The following PTPRJ variants were observed in gnomAD, a reference collection of about 807,000 sequenced individuals.
The protein encoded by PTPRJ is receptor-type tyrosine-protein phosphatase eta.
A neutral mutation model predicts 141.3 loss-of-function variants in PTPRJ; 129 were observed. That is an observed-to-expected ratio of 0.91 (90% CI 0.79 to 1.06). The LOEUF is 1.06. Among genes scored for constraint, PTPRJ ranks in the 50% least tolerant of loss-of-function variants. PTPRJ has a pLI of 0.00. For missense variants in PTPRJ, 1,601 were observed against 1,679.7 expected (o/e 0.95, Z 0.82); for synonymous variants, 610 against 640.5 (o/e 0.95, Z 0.72).
intron 3 of PTPRJ, among the ~76,000 whole-genome samples, chr11:48,117,540 CAAAAAAAAAAAAAAAAAAAAA>C (rs71045545): frequency 1.0e-4 from 2 of 19,696 alleles, no homozygotes; most frequent in African/African-American, 4.8e-4. Context: ...GATTCTGTCT[CAAAAAAAAAAAAAAAAAAAAA>C]AAAAAAAAAA....
chr11:48,042,190 T>A (rs963293726), intron 1 of PTPRJ, among the ~76,000 whole-genome samples: 37 of 152,170 alleles, frequency 2.4e-4, no homozygotes, highest in African/African-American at 8.4e-4. Context: ...GTTGCAGCAA[T>A]GAGGAGTTAT....
At chr11:48,150,050 G>C (rs368568100) in intron 17 of PTPRJ, 46 bp from the exon 18 acceptor site, 1 of 1,547,298 alleles carries the variant, frequency 6.5e-7, no homozygotes, top group Non-Finnish European at 8.9e-7. Context: ...TATTGAATAT[G>C]GACTTCACTG....
chr11:48,154,831 T>C (rs1310824520), intron 19 of PTPRJ, among the ~76,000 whole-genome samples: 2 of 152,114 alleles, frequency 1.3e-5, no homozygotes, highest in Non-Finnish European at 2.9e-5. Context: ...CTTGTAAGGG[T>C]AATTTGGGAT....
At chr11:48,037,985 C>T (rs980665350) in intron 1 of PTPRJ, among the ~76,000 whole-genome samples, 1 of 151,268 alleles carries the variant, frequency 6.6e-6, no homozygotes, top group African/African-American at 2.4e-5. Context: ...TGCTAAATTC[C>T]GTCCATTTTT....
chr11:48,129,042 G>A (rs1161513823), intron 7 of PTPRJ, among the ~76,000 whole-genome samples: 2 of 152,174 alleles, frequency 1.3e-5, no homozygotes, highest in African/African-American at 2.4e-5. Flanking sequence ...AACAAGACAG[G>A]GGTTTATTTC....
At chr11:48,142,819 G>C (rs1857265636) in intron 11 of PTPRJ, 100 bp from the exon 12 acceptor site, 1 of 1,386,842 alleles carries the variant, frequency 7.2e-7, no homozygotes, top group Non-Finnish European at 9.6e-7. Context: ...GTAGCTTCCA[G>C]AGTAAGATCT....
intron 1 of PTPRJ, among the ~76,000 whole-genome samples, chr11:48,093,754 T>G (rs1855932131): frequency 6.6e-6 from 1 of 151,880 alleles, no homozygotes; most frequent in Non-Finnish European, 1.5e-5. Context: ...TATTTGGGTT[T>G]CTTATAAAAT....
chr11:48,104,368 A>C (rs767106842), intron 1 of PTPRJ, among the ~76,000 whole-genome samples: 1 of 152,192 alleles, frequency 6.6e-6, no homozygotes, highest in Non-Finnish European at 1.5e-5. Context: ...GAGCAGGAAG[A>C]ATGATGGCCT....
intron 1 of PTPRJ, among the ~76,000 whole-genome samples, chr11:47,998,532 C>T (rs957594180): frequency 1.3e-5 from 2 of 152,164 alleles, no homozygotes; most frequent in African/African-American, 4.8e-5. Context: ...CCTGTAATCT[C>T]GCTTCTATTG....
chr11:48,121,291 G>T (rs1231166615), intron 4 of PTPRJ, 25 bp downstream of exon 4: 1 of 1,609,350 alleles, frequency 6.2e-7, no homozygotes, highest in African/African-American at 1.3e-5. Context: ...TCCCAGGGAT[G>T]ATGACAAACC....
At position 48,144,987 on chromosome 11, in the gene PTPRJ, T is replaced by C. The variant is rs199702259; in HGVS notation, c.2787-13T>C. 44 of 1,614,168 alleles carry C rather than the reference T, an allele frequency of 2.7e-5. No homozygotes were observed. In the Admixed American group the frequency reaches 7.2e-4, roughly 26 times the overall value. ...GTCTCAGGGACCTCTTTTTGCTCTT[T>C]GTTATCCCACAGGGCTTGTGTGGCT... is the stretch of plus-strand genomic sequence containing the variant. On this transcript the variant is annotated splice_polypyrimidine_tract_variant and intron_variant, in intron 13 of 24. Coordinates refer to ENST00000418331, the MANE Select transcript of PTPRJ (RefSeq NM_002843.4).
At chr11:48,039,237 A>G (rs1337046284) in intron 1 of PTPRJ, among the ~76,000 whole-genome samples, 2 of 151,440 alleles carry the variant, frequency 1.3e-5, no homozygotes, top group African/African-American at 4.9e-5. Flanking sequence ...TATGCACACT[A>G]TTTCTTTAAT....
At chr11:48,010,323 G>C (rs1005706962) in intron 1 of PTPRJ, among the ~76,000 whole-genome samples, 1 of 151,140 alleles carries the variant, frequency 6.6e-6, no homozygotes, top group Non-Finnish European at 1.5e-5. Context: ...GATTACAGGC[G>C]GGTGCCACCA....
intron 1 of PTPRJ, among the ~76,000 whole-genome samples, chr11:47,994,445 A>G (rs898426542): frequency 1.3e-5 from 2 of 152,006 alleles, no homozygotes; most frequent in African/African-American, 4.8e-5. Flanking sequence ...GCCTGAGCTC[A>G]GGAGTTAGAG....
intron 1 of PTPRJ, among the ~76,000 whole-genome samples, chr11:48,034,584 A>G (rs766051704): frequency 5.3e-5 from 8 of 152,218 alleles, no homozygotes; most frequent in Non-Finnish European, 1.2e-4. Context: ...TCACTTGCAT[A>G]TACTGTATAA....
At chr11:48,036,327 C>T (rs1026925426) in intron 1 of PTPRJ, among the ~76,000 whole-genome samples, 2 of 152,210 alleles carry the variant, frequency 1.3e-5, no homozygotes, top group African/African-American at 2.4e-5. Flanking sequence ...ATGCCATTGA[C>T]TTCTCAGCTT....
intron 2 of PTPRJ, 64 bp from the exon 3 acceptor site, chr11:48,112,683 G>A (rs1460188069): frequency 4.3e-6 from 5 of 1,170,728 alleles, no homozygotes; most frequent in African/African-American, 1.5e-5. Context: ...ATTTTGTGAG[G>A]TGGGGCATCC....
At position 47,980,579 on chromosome 11, in the gene PTPRJ, C is replaced by G. The variant is rs1390706106; in HGVS notation, c.-334C>G. 3.1e-6 allele frequency: 3 copies of G among 982,874 alleles called. No individual in the cohort carries two copies. In the East Asian group the frequency reaches 3.4e-4, roughly 112 times the overall value. 60.9% of individuals were successfully genotyped at this position (982,874 alleles called of 1,614,324 possible). On this transcript the variant is annotated 5_prime_UTR_variant, in exon 1 of 25. Coordinates refer to ENST00000418331, the MANE Select transcript of PTPRJ (RefSeq NM_002843.4). ...GCAGCAGCCCCAGCCGCATGACGCGCGGAGGAGGCAGCGGGAGCAGCCGCG... is the reference window on the plus strand; with the variant it reads ...GCAGCAGCCCCAGCCGCATGACGCGGGGAGGAGGCAGCGGGAGCAGCCGCG...
At chr11:48,025,762 C>T (rs549266912) in intron 1 of PTPRJ, among the ~76,000 whole-genome samples, 77 of 152,228 alleles carry the variant, frequency 5.1e-4, no homozygotes, top group Non-Finnish European at 6.0e-4. Flanking sequence ...GCCCTTTAGG[C>T]GCTCTAAATG....
Sources: gnomAD v4.1 joint callset for allele counts (sites outside exome capture counted in the v4.1 genomes callset) on GRCh38, gnomAD v4.1.1 for gene constraint, MANE v1.5 for transcripts, NCBI Gene and HGNC (gene_info 2026-07-23, HGNC 2026-07-21) for gene names.